Variants in MGA observed in about 807,000 individuals in gnomAD.
MGA encodes the protein MAX dimerization protein MGA, also known as MAX gene-associated protein.
MGA carries 40 observed loss-of-function variants against 261.1 expected under a neutral mutation model. The observed-to-expected ratio is 0.15, with a 90% CI of 0.12 to 0.20. The LOEUF is 0.20. MGA is among the 10% of genes least tolerant of loss of function. The pLI, the probability that MGA is intolerant of heterozygous loss-of-function variation, is 1.00. For synonymous variants in MGA, 1,302 were observed against 1,290.6 expected (o/e 1.01, Z -0.19); for missense variants, 3,397 against 3,630.5 (o/e 0.94, Z 1.65).
chr15:41,672,872 A>G (rs1265399095), intron 2 of MGA, among the ~76,000 whole-genome samples: 1 of 110,866 alleles, frequency 9.0e-6, no homozygotes, highest in South Asian at 2.9e-4. Context: ...GTGTGCACAC[A>G]CACACACACA....
chr15:41,667,014 G>C (rs886869417), intron 1 of MGA, among the ~76,000 whole-genome samples: 2 of 152,168 alleles, frequency 1.3e-5, no homozygotes, highest in Non-Finnish European at 2.9e-5. Context: ...CCCAGTAACT[G>C]CTTAGGGGAG....
intron 22 of MGA, among the ~76,000 whole-genome samples, chr15:41,763,958 G>C (rs1239662998): frequency 2.0e-5 from 3 of 151,910 alleles, no homozygotes; most frequent in Non-Finnish European, 4.4e-5. Context: ...AGGAATTTGA[G>C]ACCAGCCTTG....
chr15:41,703,759 T>A (rs951189726), intron 5 of MGA, among the ~76,000 whole-genome samples: 2 of 152,092 alleles, frequency 1.3e-5, no homozygotes, highest in Non-Finnish European at 2.9e-5. Context: ...AAATAAAAAA[T>A]TCACTTATCA....
chr15:41,646,669 C>G (rs985777585), intron 1 of MGA, among the ~76,000 whole-genome samples: 2 of 151,748 alleles, frequency 1.3e-5, no homozygotes, highest in African/African-American at 4.8e-5. Context: ...AAGATCATGC[C>G]GCTGTACTCC....
rs1479480845 is a variant in MGA, at chr15:41,696,602, G to C, written c.1592G>C (p.Arg531Thr). 1 of 1,613,896 alleles carries C rather than the reference G, an allele frequency of 6.2e-7. No homozygotes were observed. Among genetic ancestry groups the C allele is most frequent in the Non-Finnish European group, 8.5e-7 (1 of 1,179,846 alleles). The change falls in exon 3 of 24, where the codon AGA becomes ACA. Residue 531 changes from arginine (R) to threonine (T), a missense_variant. Arg to Thr is a moderately conservative substitution (Grantham distance 71). Coordinates refer to ENST00000219905, the MANE Select transcript of MGA (RefSeq NM_001164273.2). The stretch of plus-strand genomic sequence containing the variant: ...GGCAAGGAATCAGAAAATGGTCTTA[G>C]AAAACATTCACCAGATCTCAGAGTG...
At chr15:41,740,345 T>C in intron 14 of MGA, 142 bp downstream of exon 14, 7 of 932,120 alleles carry the variant, frequency 7.5e-6, no homozygotes, top group Non-Finnish European at 9.4e-6. Flanking sequence ...GCCTGGACTT[T>C]TTTGATTGTT....
At position 41,710,733 on chromosome 15, in the gene MGA, G is replaced by T. The variant is rs749466429; in HGVS notation, c.2468G>T (p.Cys823Phe). The T allele has an allele frequency of 1.9e-6, 3 of 1,612,938 alleles. No homozygotes were observed. The highest frequency in any genetic ancestry group is 2.5e-6 in the Non-Finnish European group (3 of 1,179,558). ...TCACTGAAAAATCGTTCTGCTTTCT[G>T]TAGTGATAAGCTAGATGAATACTTG... The change falls in exon 8 of 24, where the codon TGT (cysteine) becomes TTT (phenylalanine). Residue 823 changes from cysteine to phenylalanine, a missense_variant. Coordinates refer to ENST00000219905, the MANE Select transcript of MGA (RefSeq NM_001164273.2).
chr15:41,747,258 C>T (rs1399074238), intron 15 of MGA, among the ~76,000 whole-genome samples: 1 of 152,058 alleles, frequency 6.6e-6, no homozygotes, highest in Non-Finnish European at 1.5e-5. Context: ...TTCCCACAAA[C>T]CTTTAAGCTT....
intron 1 of MGA, among the ~76,000 whole-genome samples, chr15:41,626,404 T>C (rs1367802971): frequency 1.3e-5 from 2 of 151,836 alleles, no homozygotes; most frequent in Non-Finnish European, 2.9e-5. Context: ...AGCTGCACAC[T>C]TGACTCTAAA....
Position 41,767,417 on chromosome 15 carries a change from AG to A in MGA, c.*142del, listed in dbSNP as rs1225500618. 3.3e-6 allele frequency: 3 copies of A among 896,648 alleles called. No individual in the cohort carries two copies. The Admixed American group carries it at 8.0e-5, about 24-fold the overall frequency. The allele number at this position is 896,648 out of a possible 1,614,324, so 55.5% of individuals were successfully genotyped here. On this transcript the variant is annotated 3_prime_UTR_variant, in exon 24 of 24. Transcript: ENST00000219905. ...GATGCAGTGGATAATGATGGGAGAA[AG>A]GGGGTAGGGTGCTGACCCTGGTATA...
chr15:41,719,035 C>A (rs2060804024), intron 9 of MGA, among the ~76,000 whole-genome samples: 1 of 152,016 alleles, frequency 6.6e-6, no homozygotes, highest in South Asian at 2.1e-4. Flanking sequence ...AACTGTAAGT[C>A]AGTTTAATGA....
chr15:41,681,429 C>T (rs1445354157), intron 2 of MGA, among the ~76,000 whole-genome samples: 1 of 138,064 alleles, frequency 7.2e-6, no homozygotes, highest in African/African-American at 2.7e-5. Context: ...CTGTTAGTGT[C>T]ATTATCATAA....
At chr15:41,707,089 TAGAC>T (rs1352999088) in intron 5 of MGA, among the ~76,000 whole-genome samples, 2 of 152,212 alleles carry the variant, frequency 1.3e-5, no homozygotes, top group African/African-American at 2.4e-5. Flanking sequence ...ATAGAGGCCT[TAGAC>T]AGTCTCTGGA....
At chr15:41,687,475 T>TG (rs1361403410) in intron 2 of MGA, among the ~76,000 whole-genome samples, 3 of 152,174 alleles carry the variant, frequency 2.0e-5, no homozygotes, top group African/African-American at 7.2e-5. Context: ...CTGTATGGAA[T>TG]GCAAAGCCTA....
intron 9 of MGA, 148 bp downstream of exon 9, chr15:41,713,644 T>A (rs927889478): frequency 9.9e-7 from 1 of 1,010,990 alleles, no homozygotes; most frequent in Admixed American, 3.1e-5. Flanking sequence ...TCTTTCTGAC[T>A]GGCTATCTGA....
At chr15:41,738,053 G>A (rs965815333) in intron 13 of MGA, among the ~76,000 whole-genome samples, 1 of 151,960 alleles carries the variant, frequency 6.6e-6, no homozygotes, top group African/African-American at 2.4e-5. Context: ...AAGTTAGCTT[G>A]ACTTTCATTA....
chr15:41,764,231 CA>C (rs886551645), intron 22 of MGA, among the ~76,000 whole-genome samples: 3 of 146,440 alleles, frequency 2.0e-5, no homozygotes, highest in Admixed American at 6.9e-5. Context: ...GTGTATGAGC[CA>C]AAAAAAATCT....
At chr15:41,631,635 T>C (rs886391347) in intron 1 of MGA, among the ~76,000 whole-genome samples, 1 of 152,170 alleles carries the variant, frequency 6.6e-6, no homozygotes, top group African/African-American at 2.4e-5. Context: ...CTCCGCATAC[T>C]TTGTCTTTCC....
intron 1 of MGA, among the ~76,000 whole-genome samples, chr15:41,652,932 T>C (rs1252599538): frequency 6.6e-6 from 1 of 152,124 alleles, no homozygotes; most frequent in Non-Finnish European, 1.5e-5. Flanking sequence ...GAATGTAGAG[T>C]GGAACTAGTC....
Sources: gnomAD v4.1 joint callset for allele counts (sites outside exome capture counted in the v4.1 genomes callset) on GRCh38, gnomAD v4.1.1 for gene constraint, MANE v1.5 for transcripts, NCBI Gene and HGNC (gene_info 2026-07-23, HGNC 2026-07-21) for gene names.